The following SYCE2 variants were observed in gnomAD, a reference collection of about 807,000 sequenced individuals.
SYCE2 encodes central element synaptonemal complex 1.
SYCE2 carries 3 observed loss-of-function variants against 27.9 expected under a neutral mutation model. The observed-to-expected ratio is 0.11, with a 90% CI of 0.05 to 0.28. The LOEUF is 0.28. Ranked by LOEUF, SYCE2 falls within the 10% of genes least tolerant of loss-of-function variation. The pLI is 1.00. For synonymous variants in SYCE2, 85 were observed against 100.7 expected, an observed-to-expected ratio of 0.84 and a Z score of 0.93; for missense variants, 207 against 263.5, an observed-to-expected ratio of 0.79 and a Z score of 1.48.
At chr19:12,906,472 C>T (rs1461856732) in intron 2 of SYCE2, among the ~76,000 whole-genome samples, 1 of 152,030 alleles carries the variant, frequency 6.6e-6, no homozygotes, top group Non-Finnish European at 1.5e-5. Flanking sequence ...ATGTAATGTT[C>T]CGTAACTTCA....
rs1360957270 is a variant in SYCE2, at chr19:12,919,269, C to A, written c.-12G>T. 3.0e-5 allele frequency: 48 copies of A among 1,610,054 alleles called. No individual in the cohort carries two copies. Among genetic ancestry groups the A allele is most frequent in the Non-Finnish European group, 4.0e-5 (47 of 1,179,930 alleles). The stretch of plus-strand genomic sequence containing the variant: ...CCCTGTCGCTCCATTCCGTATTTTC[C>A]CGCCTTCAAGCTCGCACCCTCTGCG... On this transcript the variant is annotated 5_prime_UTR_variant, in exon 1 of 6. Transcript: ENST00000293695.
chr19:12,903,065 A>G (rs1191103681), intron 3 of SYCE2, among the ~76,000 whole-genome samples: 2 of 151,232 alleles, frequency 1.3e-5, no homozygotes, highest in Admixed American at 1.3e-4. Flanking sequence ...AAAAAGAAAA[A>G]ACCAGAAAGA....
At chr19:12,910,675 T>TTA (rs201464227) in intron 2 of SYCE2, among the ~76,000 whole-genome samples, 34 of 148,390 alleles carry the variant, frequency 2.3e-4, no homozygotes, top group African/African-American at 8.0e-4. Flanking sequence ...GCCTGACCTT[T>TTA]TATATATATA....
intron 3 of SYCE2, among the ~76,000 whole-genome samples, chr19:12,903,619 T>G (rs1160246406): frequency 6.6e-6 from 1 of 151,936 alleles, no homozygotes; most frequent in East Asian, 1.9e-4. Context: ...TCTCCTGACC[T>G]TGTGATCCCC....
In SYCE2 at chr19:12,899,175, A is replaced by G. The variant is rs1599621948; in HGVS notation, c.*166T>C. 1.5e-6 allele frequency: 1 copy of G among 651,356 alleles called. No homozygotes were observed. The allele number at this position is 651,356 out of a possible 1,614,324, so 40.3% of individuals were successfully genotyped here. ...AGCCTGGGCCTATGGCAGGGGCTGGACTTGCTACATTTTGGGAGTTCAGCA... is the reference window on the plus strand; with the variant it reads ...AGCCTGGGCCTATGGCAGGGGCTGGGCTTGCTACATTTTGGGAGTTCAGCA... On this transcript the variant is annotated 3_prime_UTR_variant, in exon 6 of 6. Coordinates refer to ENST00000293695, the MANE Select transcript of SYCE2 (RefSeq NM_001105578.2).
chr19:12,918,162 A>C, intron 2 of SYCE2, 60 bp downstream of exon 2: 1 of 1,391,364 alleles, frequency 7.2e-7, no homozygotes, highest in Non-Finnish European at 1.0e-6. Flanking sequence ...GTGGAAGAAA[A>C]GGGTGAATGA....
chr19:12,909,643 T>G (rs972816451), intron 2 of SYCE2, among the ~76,000 whole-genome samples: 2 of 152,140 alleles, frequency 1.3e-5, no homozygotes, highest in African/African-American at 4.8e-5. Context: ...CTCGGCTCAC[T>G]GCAACCTCCG....
chr19:12,903,974 GATGT>G (rs1970889976), intron 3 of SYCE2, among the ~76,000 whole-genome samples: 1 of 152,196 alleles, frequency 6.6e-6, no homozygotes, highest in Non-Finnish European at 1.5e-5. Flanking sequence ...GCTTTTGCAA[GATGT>G]AAGCCCTGGG....
intron 2 of SYCE2, among the ~76,000 whole-genome samples, chr19:12,910,529 C>T (rs551753193): frequency 6.6e-5 from 10 of 151,750 alleles, no homozygotes; most frequent in Admixed American, 5.3e-4. Context: ...CACACCACCA[C>T]GCCCGGCTAA....
chr19:12,915,989 ACAG>A (rs1401062635), intron 2 of SYCE2, among the ~76,000 whole-genome samples: 2 of 151,868 alleles, frequency 1.3e-5, no homozygotes, highest in Non-Finnish European at 2.9e-5. Context: ...TCAGATGCAA[ACAG>A]CAGGAGGGTA....
At chr19:12,903,127 T>C (rs1198424505) in intron 3 of SYCE2, among the ~76,000 whole-genome samples, 2 of 150,950 alleles carry the variant, frequency 1.3e-5, no homozygotes, top group Non-Finnish European at 3.0e-5. Flanking sequence ...AGTCTTGCTC[T>C]GTCACCCAGG....
At position 12,899,510 on chromosome 19, in the gene SYCE2, C is replaced by T. The variant is rs745360675; in HGVS notation, c.613-125G>A. 4.3e-6 allele frequency: 7 copies of T among 1,614,158 alleles called. No individual in the cohort carries two copies. Among genetic ancestry groups the T allele is most frequent in the South Asian group, 2.2e-5 (2 of 91,082 alleles). On this transcript the variant is annotated intron_variant, in intron 5 of 5. Coordinates refer to ENST00000293695, the MANE Select transcript of SYCE2 (RefSeq NM_001105578.2). ...GCCCTGATCCTTGGGAGAGCTATCA[C>T]GGGAATCCAGGCGTTCACGGCCAGC...
At chr19:12,916,077 T>C (rs1163091427) in intron 2 of SYCE2, among the ~76,000 whole-genome samples, 2 of 151,392 alleles carry the variant, frequency 1.3e-5, no homozygotes, top group African/African-American at 2.4e-5. Flanking sequence ...TTTTTTTTTT[T>C]TTTTTTCCTC....
At chr19:12,911,099 A>G (rs1971039118) in intron 2 of SYCE2, among the ~76,000 whole-genome samples, 1 of 151,980 alleles carries the variant, frequency 6.6e-6, no homozygotes, top group African/African-American at 2.4e-5. Flanking sequence ...TGCCTCCTGA[A>G]TATCTAGGAC....
chr19:12,916,179 C>A (rs779225438), intron 2 of SYCE2, among the ~76,000 whole-genome samples: 12 of 151,994 alleles, frequency 7.9e-5, no homozygotes, highest in East Asian at 5.8e-4. Flanking sequence ...AAGCAATTCT[C>A]CTGCCTCAGG....
chr19:12,912,750 C>G (rs1421148059), intron 2 of SYCE2, among the ~76,000 whole-genome samples: 1 of 151,394 alleles, frequency 6.6e-6, no homozygotes, highest in Non-Finnish European at 1.5e-5. Context: ...AGGCTGGAAC[C>G]GGTTTTCATG....
At chr19:12,910,567 C>T (rs764173274) in intron 2 of SYCE2, among the ~76,000 whole-genome samples, 41 of 150,768 alleles carry the variant, frequency 2.7e-4, no homozygotes, top group Non-Finnish European at 5.2e-4. Context: ...GAGACAGGGT[C>T]TCACCATGTT....
intron 3 of SYCE2, among the ~76,000 whole-genome samples, chr19:12,904,232 C>T (rs1237145468): frequency 6.6e-6 from 1 of 152,214 alleles, no homozygotes; most frequent in Non-Finnish European, 1.5e-5. Flanking sequence ...CCAATCTCTT[C>T]TCTGTAGGAC....
At chr19:12,904,013 C>G (rs551573108) in intron 3 of SYCE2, among the ~76,000 whole-genome samples, 1 of 152,186 alleles carries the variant, frequency 6.6e-6, no homozygotes, top group Non-Finnish European at 1.5e-5. Flanking sequence ...TCCACTCCCC[C>G]GTCACAGACC....
Sources: gnomAD v4.1 joint callset for allele counts (sites outside exome capture counted in the v4.1 genomes callset) on GRCh38, gnomAD v4.1.1 for gene constraint, MANE v1.5 for transcripts, NCBI Gene and HGNC (gene_info 2026-07-23, HGNC 2026-07-21) for gene names.